Variants in TJP2 observed in about 807,000 individuals in gnomAD.
TJP2 encodes Friedreich ataxia region gene X104 (tight junction protein ZO-2).
TJP2 carries 91 observed loss-of-function variants against 133.1 expected under a neutral mutation model. That is an observed-to-expected ratio of 0.68 (90% CI 0.58 to 0.81). The LOEUF (loss-of-function observed/expected upper bound fraction) is 0.81. TJP2 is among the 40% of genes least tolerant of loss of function. The pLI, the probability that TJP2 is intolerant of heterozygous loss-of-function variation, is 0.00. For missense variants in TJP2, 1,541 were observed against 1,565.6 expected, an observed-to-expected ratio of 0.98 and a Z score of 0.26; for synonymous variants, 592 against 583.4, an observed-to-expected ratio of 1.01 and a Z score of -0.21.
At chr9:69,224,495 T>G (rs1419088358) in intron 5 of TJP2, among the ~76,000 whole-genome samples, 1 of 152,146 alleles carries the variant, frequency 6.6e-6, no homozygotes, top group Non-Finnish European at 1.5e-5. Context: ...CTGGCCTACA[T>G]GGTGAAACCC....
At chr9:69,185,373 C>T (rs1482812682) in intron 1 of TJP2, among the ~76,000 whole-genome samples, 1 of 152,164 alleles carries the variant, frequency 6.6e-6, no homozygotes, top group Admixed American at 6.5e-5. Context: ...AGACTGATTT[C>T]TGTAACGGAT....
At chr9:69,147,994 G>C (rs1468062699) in intron 1 of TJP2, among the ~76,000 whole-genome samples, 1 of 150,394 alleles carries the variant, frequency 6.6e-6, no homozygotes, top group African/African-American at 2.5e-5. Flanking sequence ...GCACAATCTT[G>C]GCTCACTGCA....
chr9:69,254,275 C>A lies in TJP2; in HGVS notation c.3474C>A (p.Gly1158=), dbSNP rs923150977. Residue 1158 remains glycine (G), a synonymous_variant, in exon 23 of 23, where the codon GGC becomes GGA. Coordinates refer to ENST00000377245, the MANE Select transcript of TJP2 (RefSeq NM_004817.4). ...RPYQDTRGSY[G]SDAEEEEYRQ... ...ATCAGGATACCAGAGGAAGTTATGG[C>A]AGTGATGCCGAGGAGGAGGAGTACC... 2 of 1,614,114 alleles carry A rather than the reference C, an allele frequency of 1.2e-6. No homozygotes were observed. Among genetic ancestry groups the A allele is most frequent in the African/African-American group, 2.7e-5 (2 of 74,934 alleles).
intron 10 of TJP2, 31 bp from the exon 11 acceptor site, chr9:69,230,051 T>C: frequency 6.2e-7 from 1 of 1,613,702 alleles, no homozygotes; most frequent in Non-Finnish European, 8.5e-7. Context: ...ATATCTCCCA[T>C]CTTTCCTTTC....
intron 2 of TJP2, among the ~76,000 whole-genome samples, chr9:69,166,978 A>T (rs1444700948): frequency 2.6e-5 from 4 of 151,728 alleles, no homozygotes; most frequent in Non-Finnish European, 5.9e-5. Context: ...CACGCCCATA[A>T]TCCTAGCACT....
intron 2 of TJP2, among the ~76,000 whole-genome samples, chr9:69,167,169 C>T (rs1011805907): frequency 6.6e-6 from 1 of 151,236 alleles, no homozygotes; most frequent in Non-Finnish European, 1.5e-5. Flanking sequence ...ACTCAGGAGG[C>T]GGACGTTGCA....
chr9:69,180,802 C>T (rs1168053339), intron 1 of TJP2, among the ~76,000 whole-genome samples: 1 of 152,182 alleles, frequency 6.6e-6, no homozygotes, highest in Non-Finnish European at 1.5e-5. Flanking sequence ...TCTGCGTTAC[C>T]CTTCTGCAGT....
At chr9:69,209,751 C>CA (rs377576927) in intron 1 of TJP2, among the ~76,000 whole-genome samples, 54,409 of 135,946 alleles carry the variant, frequency 0.4, 10,143 homozygotes, top group South Asian at 0.46. Flanking sequence ...AACTCCATCT[C>CA]AAAAAAAAAA....
At chr9:69,204,705 C>T in intron 1 of TJP2, 1 of 546,528 alleles carries the variant, frequency 1.8e-6, no homozygotes. Context: ...ATTCAGTTGA[C>T]CTGAAACATT....
chr9:69,186,525 CTT>C (rs1443335501), intron 1 of TJP2, among the ~76,000 whole-genome samples: 1 of 152,174 alleles, frequency 6.6e-6, no homozygotes, highest in Non-Finnish European at 1.5e-5. Flanking sequence ...TTTCTCCAGA[CTT>C]TTAGTCGGCC....
At chr9:69,251,409 A>T (rs773040038) in intron 21 of TJP2, 45 bp downstream of exon 21, 2 of 1,586,464 alleles carry the variant, frequency 1.3e-6, no homozygotes, top group African/African-American at 2.7e-5. Flanking sequence ...GTTTTAAATA[A>T]GTTTGATTTC....
chr9:69,235,050 T>C (rs1476232273), intron 12 of TJP2, among the ~76,000 whole-genome samples: 1 of 152,176 alleles, frequency 6.6e-6, no homozygotes, highest in African/African-American at 2.4e-5. Context: ...TTGGAATCAA[T>C]AGGAAAGAAA....
chr9:69,200,982 C>A (rs988704974), intron 1 of TJP2, among the ~76,000 whole-genome samples: 1 of 152,132 alleles, frequency 6.6e-6, no homozygotes, highest in African/African-American at 2.4e-5. Context: ...TGGCACATAT[C>A]CCCTGGCAGC....
At position 69,216,468 on chromosome 9, in the gene TJP2, G is replaced by GTGTC; in HGVS notation, c.239+6_239+9dup. 6.2e-7 allele frequency: 1 copy of GTGTC among 1,614,066 alleles called. No individual in the cohort carries two copies. Among genetic ancestry groups the GTGTC allele is most frequent in the Non-Finnish European group, 8.5e-7 (1 of 1,180,016 alleles). ...GCCTGCTGATGGGCTGCTCCAGTGA[G>GTGTC]TGTCCTCCCTCGCTCCGCAGCCCCT... On this transcript the variant is annotated splice_donor_region_variant and intron_variant, in intron 3 of 22. Transcript: ENST00000377245.
rs1458652030 is a variant in TJP2 at position 69,229,131 on chromosome 9, A to G, written c.1454-53A>G. ...GGATTTTGTGATTTTTCTATTTAGA[A>G]ACGCACTCTTGTTAGTCCAGATTGA... On this transcript the variant is annotated intron_variant, in intron 9 of 22. Transcript: ENST00000377245. 2.6e-6 allele frequency: 4 copies of G among 1,528,440 alleles called. No homozygotes were observed. The Admixed American group carries it at 6.7e-5, about 26-fold the overall frequency. 94.7% of individuals were successfully genotyped at this position (1,528,440 alleles called of 1,614,324 possible). A position where few individuals can be genotyped will look rare whatever the true frequency, so the allele number is the denominator to read the frequency against.
intron 9 of TJP2, 59 bp downstream of exon 9, chr9:69,228,173 G>C: frequency 6.4e-7 from 1 of 1,555,090 alleles, no homozygotes; most frequent in South Asian, 1.2e-5. Context: ...TGCTCACACA[G>C]CCATAACAAA....
intron 2 of TJP2, among the ~76,000 whole-genome samples, chr9:69,165,835 T>G (rs998306080): frequency 1.3e-5 from 2 of 152,158 alleles, no homozygotes; most frequent in African/African-American, 4.8e-5. Flanking sequence ...AGCAGGTATG[T>G]CTAAACTAGA....
chr9:69,225,877 C>T, intron 6 of TJP2, 145 bp from the exon 7 acceptor site: 3 of 835,600 alleles, frequency 3.6e-6, no homozygotes, highest in Non-Finnish European at 5.7e-6. Context: ...ATTTAAACGA[C>T]AATTCATTTT....
chr9:69,233,404 T>C (rs1829934499), intron 11 of TJP2, among the ~76,000 whole-genome samples: 1 of 152,368 alleles, frequency 6.6e-6, no homozygotes, highest in East Asian at 1.9e-4. Context: ...CAAAATATTA[T>C]TAACATATCA....
Sources: gnomAD v4.1 joint callset for allele counts (sites outside exome capture counted in the v4.1 genomes callset) on GRCh38, gnomAD v4.1.1 for gene constraint, MANE v1.5 for transcripts, NCBI Gene and HGNC (gene_info 2026-07-23, HGNC 2026-07-21) for gene names.